IKZF3: variants seen among roughly 807,000 people sequenced by gnomAD.
IKZF3 encodes zinc finger protein Aiolos.
A neutral mutation model predicts 49.0 loss-of-function variants in IKZF3; 10 were observed. The observed-to-expected ratio is 0.20, with a 90% confidence interval of 0.13 to 0.35. The LOEUF is 0.35. Ranked by LOEUF, IKZF3 falls within the 10% of genes least tolerant of loss-of-function variation. The probability of loss-of-function intolerance (pLI) is 1.00; values close to 1 mark genes in which losing one functional copy is unlikely to be tolerated. For synonymous variants in IKZF3, 209 were observed against 228.2 expected, an observed-to-expected ratio of 0.92 and a Z score of 0.76; for missense variants, 498 against 664.8, an observed-to-expected ratio of 0.75 and a Z score of 2.76.
intron 1 of IKZF3, among the ~76,000 whole-genome samples, chr17:39,846,167 C>T (rs1342094556): frequency 6.6e-6 from 1 of 152,078 alleles, no homozygotes; most frequent in African/African-American, 2.4e-5. Context: ...AAGTGTTTTC[C>T]ATTAACACCT....
rs903890377 is a variant in IKZF3, at chr17:39,850,347, C to T, written c.7+13773G>A. On this transcript the variant is annotated intron_variant, in intron 1 of 7. Transcript: ENST00000346872. ...TAATATATAGCATATTATACATGTA[C>T]ATATAATATATAGCATATTATATAT... is the stretch of plus-strand genomic sequence containing the variant. 3.0e-3 allele frequency among the ~76,000 whole-genome samples: 374 copies of T among 123,886 alleles called. 3 individuals carry two copies. The highest frequency in any genetic ancestry group is 0.013 in the African/African-American group (347 of 27,562). 81.3% of individuals were successfully genotyped at this position (123,886 alleles called of 152,430 possible).
At position 39,797,167 on chromosome 17, in the gene IKZF3, G is replaced by GAA. The variant is rs753833061; in HGVS notation, c.164-4236_164-4235dup. ...GTGACAAAGTGAGACTCCGTCTCAAGAAAAAAAAAAAAAGACATAGGTAAG... is the reference window on the plus strand; with the variant it reads ...GTGACAAAGTGAGACTCCGTCTCAAGAAAAAAAAAAAAAAAGACATAGGTAAG... On this transcript the variant is annotated intron_variant, in intron 3 of 7. Coordinates refer to ENST00000346872, the MANE Select transcript of IKZF3 (RefSeq NM_012481.5). 1.9e-3 allele frequency among the ~76,000 whole-genome samples: 245 copies of GAA among 132,376 alleles called. 3 individuals are homozygous for GAA. The highest frequency in any genetic ancestry group is 6.1e-3 in the African/African-American group (222 of 36,404). 86.8% of individuals were successfully genotyped at this position (132,376 alleles called of 152,430 possible).
rs12938110 is a variant in IKZF3, at chr17:39,837,466, C to T, written c.8-5315G>A. Among the ~76,000 whole-genome samples the T allele has an allele frequency of 2.8e-3, 401 of 144,974 alleles. 4 individuals are homozygous for T. Among genetic ancestry groups the T allele is most frequent in the African/African-American group, 9.9e-3 (386 of 39,024 alleles). ...AAAACTTTTTTTTTTTTTTTAGAGA[C>T]AGGGTCTTGCTTTGTTGCCAAGGCT... On this transcript the variant is annotated intron_variant, in intron 1 of 7. Transcript: ENST00000346872.
intron 1 of IKZF3, among the ~76,000 whole-genome samples, chr17:39,847,496 T>G (rs964351659): frequency 6.6e-6 from 1 of 152,158 alleles, no homozygotes; most frequent in African/African-American, 2.4e-5. Flanking sequence ...TAAATGTAGC[T>G]GAACTCAAAT....
rs775531729 is a variant in IKZF3 at position 39,788,415 on chromosome 17, G to A, written c.593-41C>T. 4.6e-6 allele frequency: 6 copies of A among 1,295,064 alleles called. No homozygotes were observed. The Admixed American group carries it at 6.7e-5, about 15-fold the overall frequency. The allele number at this position is 1,295,064 out of a possible 1,614,324, so 80.2% of individuals were successfully genotyped here. ...AAGGGGCACTCAGTGACCCTCAGGGGTTCCACACAGGTCAGGTATTGGGGC... is the reference window on the plus strand; with the variant it reads ...AAGGGGCACTCAGTGACCCTCAGGGATTCCACACAGGTCAGGTATTGGGGC... On this transcript the variant is annotated intron_variant, in intron 5 of 7. Transcript: ENST00000346872.
chr17:39,790,907 A>G (rs2061001601), intron 5 of IKZF3, among the ~76,000 whole-genome samples: 1 of 152,028 alleles, frequency 6.6e-6, no homozygotes, highest in African/African-American at 2.4e-5. Context: ...AAAAAAAAAA[A>G]AAAGTGGGCC....
chr17:39,805,789 G>A (rs1053290501), intron 3 of IKZF3, among the ~76,000 whole-genome samples: 1 of 152,190 alleles, frequency 6.6e-6, no homozygotes, highest in Non-Finnish European at 1.5e-5. Flanking sequence ...AAGCAAAGAT[G>A]CATCCTAGCT....
intron 1 of IKZF3, among the ~76,000 whole-genome samples, chr17:39,856,986 TG>T (rs1422238857): frequency 6.6e-6 from 1 of 152,120 alleles, no homozygotes; most frequent in Non-Finnish European, 1.5e-5. Context: ...CTTTAAAGTC[TG>T]GAATTTTATG....
Position 39,766,407 on chromosome 17 carries a change from C to T in IKZF3, c.913G>A (p.Asp305Asn), listed in dbSNP as rs746761768. Residue 305 changes from aspartate to asparagine, a missense_variant, in exon 8 of 8, where the codon GAC becomes AAC. Physicochemically the swap from Asp to Asn is conservative, Grantham distance 23. Transcript: ENST00000346872. Reference sequence around the variant, plus strand: ...CTGATGGCGTTATTGATGGCTTGGTCCATCATGCGGGTCTGTATGAGCTCA... The same window carrying T: ...CTGATGGCGTTATTGATGGCTTGGTTCATCATGCGGGTCTGTATGAGCTCA... The part of the protein sequence containing the change: ...ESELIQTRMM[D>N]QAINNAISYL... 6.2e-7 allele frequency: 1 copy of T among 1,614,130 alleles called. No homozygotes were observed. Among genetic ancestry groups the T allele is most frequent in the East Asian group, 2.2e-5 (1 of 44,884 alleles).
chr17:39,781,841 T>C (rs35506518), intron 6 of IKZF3, among the ~76,000 whole-genome samples: 8,740 of 152,258 alleles, frequency 0.057, 383 homozygotes, highest in African/African-American at 0.12. Context: ...ATAAACATTA[T>C]TCTGTAAATC....
chr17:39,863,495 A>G (rs775500016), intron 1 of IKZF3, among the ~76,000 whole-genome samples: 10 of 152,178 alleles, frequency 6.6e-5, no homozygotes, highest in Non-Finnish European at 1.0e-4. Context: ...AGTTTACAGT[A>G]GCAGTGTGAA....
chr17:39,804,277 T>C (rs1400408214), intron 3 of IKZF3, among the ~76,000 whole-genome samples: 1 of 151,948 alleles, frequency 6.6e-6, no homozygotes, highest in Non-Finnish European at 1.5e-5. Context: ...TGAATCCCTG[T>C]CTCTACTAAA....
intron 3 of IKZF3, among the ~76,000 whole-genome samples, chr17:39,815,981 C>T (rs1361116111): frequency 6.6e-6 from 1 of 152,018 alleles, no homozygotes; most frequent in Non-Finnish European, 1.5e-5. Context: ...AATATAATTA[C>T]GTGTTTAAAT....
chr17:39,852,956 G>T (rs1240869833), intron 1 of IKZF3, among the ~76,000 whole-genome samples: 4 of 152,044 alleles, frequency 2.6e-5, no homozygotes, highest in African/African-American at 9.7e-5. Flanking sequence ...GGGTGACAGA[G>T]TGAGACTACA....
intron 3 of IKZF3, among the ~76,000 whole-genome samples, chr17:39,797,486 G>C (rs1432944831): frequency 1.9e-4 from 28 of 149,636 alleles, no homozygotes; most frequent in African/African-American, 4.9e-5. Flanking sequence ...ACAGTGGTGC[G>C]ATCTCGGCTC....
rs946605055 is a variant in IKZF3 at position 39,757,868 on chromosome 17, C to T, written c.*7922G>A. On this transcript the variant is annotated 3_prime_UTR_variant, in exon 8 of 8. Coordinates refer to ENST00000346872, the MANE Select transcript of IKZF3 (RefSeq NM_012481.5). ...GCTGACTTTCTTTAAACCATCTTTA[C>T]AGAGGAGTAAACTTCACAGTTCCAC... 26 of 152,236 alleles carry T rather than the reference C, an allele frequency of 1.7e-4. No individual in the cohort carries two copies. The highest frequency in any genetic ancestry group is 6.3e-4 in the African/African-American group (26 of 41,454). The allele number at this position is 152,236 out of a possible 1,614,324, so 9.4% of individuals were successfully genotyped here. A position where few individuals can be genotyped will look rare whatever the true frequency, so the allele number is the denominator to read the frequency against.
intron 1 of IKZF3, among the ~76,000 whole-genome samples, chr17:39,856,918 A>G (rs185644285): frequency 6.1e-4 from 92 of 151,318 alleles, no homozygotes; most frequent in African/African-American, 1.9e-3. Context: ...TAATATTTGG[A>G]AAAAAAAGCC....
Position 39,757,924 on chromosome 17 carries a change from G to C in IKZF3, c.*7866C>G, listed in dbSNP as rs1438601611. 6.6e-6 allele frequency: 1 copy of C among 152,180 alleles called. No individual in the cohort carries two copies. The highest frequency in any genetic ancestry group is 1.5e-5 in the Non-Finnish European group (1 of 68,052). 9.4% of individuals were successfully genotyped at this position (152,180 alleles called of 1,614,324 possible). On this transcript the variant is annotated 3_prime_UTR_variant, in exon 8 of 8. Coordinates refer to ENST00000346872, the MANE Select transcript of IKZF3 (RefSeq NM_012481.5). ...GCTGGGCTCCAGGTAGAACTCCATA[G>C]GAGTGACGAGGGAAAGTCACCACTG...
chr17:39,856,018 A>ATAATAACTC, intron 1 of IKZF3, among the ~76,000 whole-genome samples: 22 of 148,266 alleles, frequency 1.5e-4, no homozygotes, highest in African/African-American at 3.1e-4. Flanking sequence ...TAACATGTAT[A>ATAATAACTC]TTGTATATGT....
Sources: gnomAD v4.1 joint callset for allele counts (sites outside exome capture counted in the v4.1 genomes callset) on GRCh38, gnomAD v4.1.1 for gene constraint, MANE v1.5 for transcripts, NCBI Gene and HGNC (gene_info 2026-07-23, HGNC 2026-07-21) for gene names.